The following RARB variants were observed in gnomAD, a reference collection of about 807,000 sequenced individuals.
RARB encodes HBV-activated protein.
In RARB, 17 loss-of-function variants were observed where a neutral mutation model predicts 51.9. The ratio of observed to expected loss-of-function variants is 0.33; its 90% confidence interval spans 0.22 to 0.49. The LOEUF is 0.49. Ranked by LOEUF, RARB falls within the 20% of genes least tolerant of loss-of-function variation. The probability of loss-of-function intolerance (pLI) is 0.99; values close to 1 mark genes in which losing one functional copy is unlikely to be tolerated. For missense variants in RARB, 369 were observed against 550.8 expected (o/e 0.67, Z 3.30); for synonymous variants, 215 against 195.4 (o/e 1.10, Z -0.84).
rs368380286 is a variant in RARB at position 25,541,015 on chromosome 3, CTG to C, written c.449-28740_449-28739del. ...ATGACCTAAATCAGGGGTCAGTAAA[CTG>C]TGGCCTGTGGGCCAAATCTAGCTGG... On this transcript the variant is annotated intron_variant, in intron 3 of 7. Transcript: ENST00000330688. 3.1e-3 allele frequency among the ~76,000 whole-genome samples: 469 copies of C among 152,296 alleles called. 4 individuals carry two copies. Among genetic ancestry groups the C allele is most frequent in the African/African-American group, 0.011 (457 of 41,572 alleles).
chr3:24,976,565 C>G (rs566428945), intron 2 of RARB, among the ~76,000 whole-genome samples: 2 of 152,172 alleles, frequency 1.3e-5, no homozygotes, highest in Admixed American at 6.5e-5. Context: ...GCATATATGT[C>G]TTCTTTTGAG....
At chr3:25,578,382 G>A (rs1382709121) in intron 4 of RARB, among the ~76,000 whole-genome samples, 7 of 152,206 alleles carry the variant, frequency 4.6e-5, no homozygotes, top group Admixed American at 3.9e-4. Flanking sequence ...TAGAAGGTAC[G>A]ACAGGCTCCT....
chr3:25,290,591 G>T (rs1234666720), intron 5 of RARB, among the ~76,000 whole-genome samples: 1 of 152,180 alleles, frequency 6.6e-6, no homozygotes, highest in Non-Finnish European at 1.5e-5. Flanking sequence ...ACGTTCAAAA[G>T]GCTTTACAAG....
chr3:24,952,482 C>T (rs1375754688), intron 2 of RARB, among the ~76,000 whole-genome samples: 1 of 152,110 alleles, frequency 6.6e-6, no homozygotes, highest in Non-Finnish European at 1.5e-5. Context: ...CCCCCATCCC[C>T]CACTACCTGC....
chr3:25,586,033 A>G (rs984973070), intron 5 of RARB, among the ~76,000 whole-genome samples: 1 of 152,020 alleles, frequency 6.6e-6, no homozygotes, highest in Non-Finnish European at 1.5e-5. Context: ...GAAGAGCTTG[A>G]CTGGAAATTC....
intron 4 of RARB, among the ~76,000 whole-genome samples, chr3:25,578,569 C>T (rs982724580): frequency 6.6e-6 from 1 of 152,168 alleles, no homozygotes; most frequent in Non-Finnish European, 1.5e-5. Context: ...TCCTACGAAC[C>T]GGATAAACTG....
chr3:25,154,944 T>G (rs1700350313), intron 4 of RARB, among the ~76,000 whole-genome samples: 1 of 152,208 alleles, frequency 6.6e-6, no homozygotes, highest in Non-Finnish European at 1.5e-5. Flanking sequence ...TGGCTTTTAC[T>G]TTTGTATTCC....
At chr3:25,405,515 T>C (rs1022092771) in intron 5 of RARB, among the ~76,000 whole-genome samples, 2 of 152,230 alleles carry the variant, frequency 1.3e-5, no homozygotes, top group Non-Finnish European at 2.9e-5. Flanking sequence ...TGGCTTGTTA[T>C]GTGGCTAGAG....
chr3:25,089,004 C>T (rs1317954624), intron 3 of RARB, among the ~76,000 whole-genome samples: 1 of 152,000 alleles, frequency 6.6e-6, no homozygotes, highest in East Asian at 1.9e-4. Flanking sequence ...ACCCTGCCCC[C>T]TTTAAGTTTT....
chr3:25,218,601 G>T (rs1701883588), intron 5 of RARB, among the ~76,000 whole-genome samples: 1 of 152,162 alleles, frequency 6.6e-6, no homozygotes, highest in Non-Finnish European at 1.5e-5. Context: ...CAGAGAGGAG[G>T]ACCCTCAGGA....
intron 2 of RARB, among the ~76,000 whole-genome samples, chr3:25,487,337 C>T (rs1696523049): frequency 6.6e-6 from 1 of 152,192 alleles, no homozygotes; most frequent in Non-Finnish European, 1.5e-5. Flanking sequence ...TTTCACCTAC[C>T]ACTCTCTGCT....
chr3:25,235,437 T>TA (rs368048011), intron 5 of RARB, among the ~76,000 whole-genome samples: 4 of 151,836 alleles, frequency 2.6e-5, no homozygotes, highest in Non-Finnish European at 5.9e-5. Context: ...TACCAAACCA[T>TA]AAAAAAAAGT....
intron 2 of RARB, among the ~76,000 whole-genome samples, chr3:25,485,902 A>G (rs56212712): frequency 0.13 from 20,306 of 152,134 alleles, 1,492 homozygotes; most frequent in South Asian, 0.22. Context: ...CAGGAGTTCA[A>G]TTTGAAGCTC....
intron 1 of RARB, among the ~76,000 whole-genome samples, chr3:24,840,656 T>G (rs555118946): frequency 6.6e-6 from 1 of 150,558 alleles, no homozygotes; most frequent in Non-Finnish European, 1.5e-5. Flanking sequence ...TGTATGTAAA[T>G]GTCTTTTATA....
chr3:25,231,440 C>T (rs865894984), intron 5 of RARB, among the ~76,000 whole-genome samples: 2 of 152,074 alleles, frequency 1.3e-5, no homozygotes, highest in East Asian at 1.9e-4. Context: ...CCTTATAGAC[C>T]TTTAGCTTTA....
intron 2 of RARB, among the ~76,000 whole-genome samples, chr3:24,868,698 C>A (rs1259535653): frequency 6.6e-6 from 1 of 152,204 alleles, no homozygotes; most frequent in Non-Finnish European, 1.5e-5. Context: ...CTGAAGCCTG[C>A]TACCTGGCGA....
intron 2 of RARB, among the ~76,000 whole-genome samples, chr3:24,902,255 A>G (rs1703624279): frequency 2.0e-5 from 3 of 152,258 alleles, no homozygotes; most frequent in South Asian, 4.2e-4. Context: ...ATATTTTTAT[A>G]TTTCCGCTAG....
chr3:25,432,754 A>T (rs1327930224), intron 1 of RARB, among the ~76,000 whole-genome samples: 1 of 152,244 alleles, frequency 6.6e-6, no homozygotes, highest in Non-Finnish European at 1.5e-5. Flanking sequence ...GAAGGGAAAT[A>T]CATGATAAAT....
At chr3:25,009,981 C>G (rs909318444) in intron 2 of RARB, among the ~76,000 whole-genome samples, 3 of 152,114 alleles carry the variant, frequency 2.0e-5, no homozygotes, top group African/African-American at 4.8e-5. Flanking sequence ...CAGCCTGTCT[C>G]ATTCAAGTAG....
Sources: gnomAD v4.1 joint callset for allele counts (sites outside exome capture counted in the v4.1 genomes callset) on GRCh38, gnomAD v4.1.1 for gene constraint, MANE v1.5 for transcripts, NCBI Gene and HGNC (gene_info 2026-07-23, HGNC 2026-07-21) for gene names.